Variants in FSTL4 observed in about 807,000 individuals in gnomAD.
FSTL4 encodes follistatin-related protein 4.
FSTL4 carries 28 observed loss-of-function variants against 78.2 expected under a neutral mutation model. That is an observed-to-expected ratio of 0.36 (90% CI 0.27 to 0.49). The LOEUF (loss-of-function observed/expected upper bound fraction) is 0.49, where lower values mean the gene tolerates loss of function less well. Among genes scored for constraint, FSTL4 ranks in the 20% least tolerant of loss-of-function variants. The pLI is 0.98. For synonymous variants in FSTL4, 422 were observed against 440.5 expected (o/e 0.96, Z 0.53); for missense variants, 922 against 1,084.9 (o/e 0.85, Z 2.11).
At chr5:133,351,019 G>A (rs990778801) in intron 4 of FSTL4, among the ~76,000 whole-genome samples, 1 of 152,196 alleles carries the variant, frequency 6.6e-6, no homozygotes, top group Non-Finnish European at 1.5e-5. Context: ...GAGGAGGTGG[G>A]AAGATGTTTA....
At chr5:133,246,241 C>A (rs749335559) in intron 7 of FSTL4, among the ~76,000 whole-genome samples, 1 of 152,208 alleles carries the variant, frequency 6.6e-6, no homozygotes, top group African/African-American at 2.4e-5. Context: ...CACTGAGACA[C>A]CTCAGGCTGA....
intron 12 of FSTL4, among the ~76,000 whole-genome samples, chr5:133,219,439 T>G (rs980335544): frequency 2.6e-5 from 4 of 152,208 alleles, no homozygotes; most frequent in African/African-American, 4.8e-5. Context: ...GAGGTGGGAT[T>G]TGAACCCAAG....
the FSTL4 span, among the ~76,000 whole-genome samples, chr5:133,718,757 A>T: frequency 6.6e-6 from 1 of 152,184 alleles, no homozygotes; most frequent in Admixed American, 6.5e-5. Flanking sequence ...GACAGCCCTA[A>T]CGGCCACAGA....
chr5:133,378,854 C>G (rs1275956983), intron 4 of FSTL4, among the ~76,000 whole-genome samples: 1 of 151,810 alleles, frequency 6.6e-6, no homozygotes, highest in Non-Finnish European at 1.5e-5. Context: ...GAGGGAGAAA[C>G]AGAGGAATAA....
intron 11 of FSTL4, among the ~76,000 whole-genome samples, chr5:133,222,996 G>A (rs781644715): frequency 6.6e-6 from 1 of 152,236 alleles, no homozygotes; most frequent in East Asian, 1.9e-4. Flanking sequence ...CAAGGCGGCT[G>A]TGGGTCTTTA....
the FSTL4 span, among the ~76,000 whole-genome samples, chr5:133,656,401 C>A: frequency 6.6e-6 from 1 of 152,128 alleles, no homozygotes; most frequent in Non-Finnish European, 1.5e-5. Context: ...ATTTTCTGGA[C>A]TTATGACCTG....
At chr5:133,620,035 T>A in the FSTL4 span, among the ~76,000 whole-genome samples, 1 of 152,222 alleles carries the variant, frequency 6.6e-6, no homozygotes, top group Non-Finnish European at 1.5e-5. Context: ...TTTAATTAAA[T>A]GAAATAAAGC....
chr5:133,367,564 A>T (rs1289614885), intron 4 of FSTL4, among the ~76,000 whole-genome samples: 1 of 152,226 alleles, frequency 6.6e-6, no homozygotes, highest in African/African-American at 2.4e-5. Flanking sequence ...AACATGTGAC[A>T]AATTTCTGCT....
At chr5:133,728,542 G>A in the FSTL4 span, among the ~76,000 whole-genome samples, 2 of 152,198 alleles carry the variant, frequency 1.3e-5, no homozygotes, top group Non-Finnish European at 2.9e-5. Context: ...CAAATCAAGG[G>A]ATAGGACTAA....
chr5:133,623,805 T>C, the FSTL4 span, among the ~76,000 whole-genome samples: 1 of 152,138 alleles, frequency 6.6e-6, no homozygotes, highest in East Asian at 1.9e-4. Flanking sequence ...AATTAAAAGC[T>C]AGGCAGAGGA....
At chr5:133,721,666 C>T in the FSTL4 span, among the ~76,000 whole-genome samples, 3 of 152,056 alleles carry the variant, frequency 2.0e-5, no homozygotes, top group Non-Finnish European at 4.4e-5. Context: ...TGTAGGTTCT[C>T]TTATATGTGA....
At chr5:133,241,515 C>T (rs1338499656) in intron 7 of FSTL4, among the ~76,000 whole-genome samples, 1 of 152,228 alleles carries the variant, frequency 6.6e-6, no homozygotes, top group African/African-American at 2.4e-5. Flanking sequence ...CTCCACTTGT[C>T]CACCCTTAGA....
intron 4 of FSTL4, among the ~76,000 whole-genome samples, chr5:133,360,876 A>G (rs547068676): frequency 6.6e-6 from 1 of 152,244 alleles, no homozygotes; most frequent in Admixed American, 6.5e-5. Context: ...ACCGTGAGTG[A>G]TACTCCCTAA....
chr5:133,400,405 T>C lies in FSTL4; in HGVS notation c.409+333A>G, dbSNP rs115221570. Reference sequence around the variant, plus strand: ...CTGTGCAGAAGGGTAAACATGGTCCTTGTCACAACCTTGCAAAGGCCCGTC... The same window carrying C: ...CTGTGCAGAAGGGTAAACATGGTCCCTGTCACAACCTTGCAAAGGCCCGTC... On this transcript the variant is annotated intron_variant, in intron 4 of 15. Transcript: ENST00000265342. Among the ~76,000 whole-genome samples, 500 of 152,298 alleles carry C rather than the reference T, an allele frequency of 3.3e-3. 3 individuals are homozygous for C. The highest frequency in any genetic ancestry group is 0.011 in the African/African-American group (473 of 41,558).
At chr5:133,271,194 G>A (rs1752757675) in intron 6 of FSTL4, among the ~76,000 whole-genome samples, 1 of 152,196 alleles carries the variant, frequency 6.6e-6, no homozygotes, top group African/African-American at 2.4e-5. Flanking sequence ...TGAATCTAGT[G>A]CCCCTGGTAG....
chr5:133,204,227 G>T (rs1035469926), intron 14 of FSTL4, among the ~76,000 whole-genome samples: 1 of 152,202 alleles, frequency 6.6e-6, no homozygotes, highest in Non-Finnish European at 1.5e-5. Flanking sequence ...GCCAGAGAGT[G>T]CTGGGCAGCA....
intron 3 of FSTL4, among the ~76,000 whole-genome samples, chr5:133,406,007 A>G (rs1436703005): frequency 6.6e-6 from 1 of 152,258 alleles, no homozygotes; most frequent in African/African-American, 2.4e-5. Flanking sequence ...TCAGGGCACT[A>G]ACATGACAGT....
At chr5:133,668,982 G>A in the FSTL4 span, among the ~76,000 whole-genome samples, 11,481 of 152,270 alleles carry the variant, frequency 0.075, 546 homozygotes, top group South Asian at 0.17. Context: ...AAAGGAAAAA[G>A]CAAATTATGA....
At chr5:133,577,844 C>A (rs953555296) in intron 2 of FSTL4, among the ~76,000 whole-genome samples, 1 of 152,108 alleles carries the variant, frequency 6.6e-6, no homozygotes, top group Admixed American at 6.5e-5. Flanking sequence ...GAGGTAGAGG[C>A]TGCAATGGAG....
Sources: allele counts gnomAD v4.1 joint callset (sites outside exome capture counted in the v4.1 genomes callset), GRCh38; gene constraint gnomAD v4.1.1; transcripts MANE v1.5; gene names NCBI Gene and HGNC (gene_info 2026-07-23, HGNC 2026-07-21).